Variants in VTN observed in about 807,000 individuals in gnomAD.
VTN encodes the protein vitronectin.
A neutral mutation model predicts 55.9 loss-of-function variants in VTN; 45 were observed. The ratio of observed to expected loss-of-function variants is 0.80; its 90% CI spans 0.63 to 1.03. The LOEUF (loss-of-function observed/expected upper bound fraction) is 1.03, where lower values mean the gene tolerates loss of function less well. Ranked by LOEUF, VTN falls within the 50% of genes least tolerant of loss-of-function variation. The probability of loss-of-function intolerance (pLI) is 0.00; values close to 1 mark genes in which losing one functional copy is unlikely to be tolerated. For synonymous variants in VTN, 238 were observed against 242.3 expected, an observed-to-expected ratio of 0.98 and a Z score of 0.17; for missense variants, 589 against 638.2, an observed-to-expected ratio of 0.92 and a Z score of 0.83.
rs2067930731 is a variant in VTN, at chr17:28,368,986, CAG to C, written c.710_711del (p.Pro237ArgfsTer8). The C allele has an allele frequency of 6.2e-7, 1 of 1,603,706 alleles. No homozygotes were observed. The highest frequency in any genetic ancestry group is 8.5e-7 in the Non-Finnish European group (1 of 1,177,204). On this transcript the variant is annotated frameshift_variant, in exon 5 of 8. Coordinates refer to ENST00000226218, the MANE Select transcript of VTN (RefSeq NM_000638.4). LOFTEE classifies it high-confidence loss of function. ...CCGTCAGAGATATTTCGGGGGTAAT[CAG>C]GGTCCAGGACACCATCCTCAAAGCG... Reference protein sequence around the residue: ...YWRFEDGVLDPDYPRNISDGF... With the variant: ...YWRFEDGVLDXDYPRNISDGF...
Position 28,368,520 on chromosome 17 carries a change from C to T in VTN, c.979+1G>A. On this transcript the variant is annotated splice_donor_variant, in intron 6 of 7. Coordinates refer to ENST00000226218, the MANE Select transcript of VTN (RefSeq NM_000638.4). LOFTEE classifies it high-confidence loss of function. ...AAGCAAGACTTGCCCTCTCTCCATA[C>T]CAGAGGTTCTGCCCCAGAAGAGAAG... The T allele has an allele frequency of 6.2e-7, 1 of 1,613,880 alleles. No homozygotes were observed. The highest frequency in any genetic ancestry group is 8.5e-7 in the Non-Finnish European group (1 of 1,179,992).
chr17:28,368,415 A>T, intron 6 of VTN, 106 bp downstream of exon 6: 1 of 1,479,244 alleles, frequency 6.8e-7, no homozygotes, highest in Non-Finnish European at 9.2e-7. Flanking sequence ...ACAGACTTTG[A>T]TCGATAGCTC....
At chr17:28,367,650 T>G in intron 7 of VTN, 65 bp downstream of exon 7, 8 of 1,536,486 alleles carry the variant, frequency 5.2e-6, no homozygotes, top group Non-Finnish European at 7.1e-6. Context: ...GTTCAGCCCT[T>G]GTGCACCAGG....
chr17:28,369,951 A>G lies in VTN; in HGVS notation c.160T>C (p.Tyr54His), dbSNP rs1473758287. ...CSYYQSCCTD[Y>H]TAECKPQVTR... is the part of the protein sequence containing the mutation. ...CCTTGGGGCTTGCACTCAGCCGTATAGTCTGTGCAGCAGCTCTGGTAGTAA... is the reference window on the plus strand; with the variant it reads ...CCTTGGGGCTTGCACTCAGCCGTATGGTCTGTGCAGCAGCTCTGGTAGTAA... The change falls in exon 2 of 8, where the codon TAT (tyrosine) becomes CAT (histidine). Residue 54 changes from tyrosine (Y) to histidine (H), a missense_variant. Transcript: ENST00000226218. This position sits in a 1 kb window ranked among gnomAD's most constrained non-coding sequence, Gnocchi z 5.3. 6 of 1,613,990 alleles carry G rather than the reference A, an allele frequency of 3.7e-6. No individual in the cohort carries two copies. The African/African-American group carries it at 4.0e-5, about 11-fold the overall frequency.
rs1555583171 is a variant in VTN at position 28,367,456 on chromosome 17, G to T, written c.1350C>A (p.Arg450=). Residue 450 remains arginine (R), a synonymous_variant, in exon 8 of 8, where the codon CGC becomes CGA. Transcript: ENST00000226218. ...GGTCCACAGTGTCCACTCGCCGTGT[G>T]CGAAGATTGACTCGGTAGTACTTGT... is the stretch of plus-strand genomic sequence containing the variant. ...SGDKYYRVNL[R]TRRVDTVDPP... 2 of 1,613,850 alleles carry T rather than the reference G, an allele frequency of 1.2e-6. 1 individual carries two copies. The highest frequency in any genetic ancestry group is 2.2e-5 in the South Asian group (2 of 91,046).
chr17:28,369,779 T>C lies in VTN; in HGVS notation c.257A>G (p.Asn86Ser). ...TVYDDGEEKN[N>S]ATVHEQVGGP... is the part of the protein sequence containing the mutation. ...CCCCACCTGTTCATGGACAGTGGCA[T>C]TGTTTTTCTCCTCGCCATCGTCATA... Residue 86 changes from asparagine to serine, a missense_variant, in exon 3 of 8, where the codon AAT (asparagine) becomes AGT (serine). Asn to Ser is a conservative substitution (Grantham distance 46, BLOSUM62 1). Transcript: ENST00000226218. The surrounding 1 kb of genome is among the most constrained non-coding windows in gnomAD (Gnocchi z 5.3). The C allele has an allele frequency of 1.2e-6, 2 of 1,614,048 alleles. No individual in the cohort carries two copies. Among genetic ancestry groups the C allele is most frequent in the South Asian group, 1.1e-5 (1 of 91,088 alleles).
At position 28,369,771 on chromosome 17, in the gene VTN, C is replaced by T. The variant is rs1555583699; in HGVS notation, c.265G>A (p.Val89Ile). ...GAGGGGCCCCCCACCTGTTCATGGA[C>T]AGTGGCATTGTTTTTCTCCTCGCCA... ...DDGEEKNNAT[V>I]HEQVGGPSLT... Residue 89 changes from valine (V) to isoleucine (I), a missense_variant, in exon 3 of 8, where the codon GTC becomes ATC. Transcript: ENST00000226218. The surrounding 1 kb of genome is among the most constrained non-coding windows in gnomAD (Gnocchi z 5.3). The T allele has an allele frequency of 6.2e-7, 1 of 1,614,046 alleles. No homozygotes were observed. Among genetic ancestry groups the T allele is most frequent in the South Asian group, 1.1e-5 (1 of 91,084 alleles).
intron 5 of VTN, 68 bp from the exon 6 acceptor site, chr17:28,368,741 T>G (rs954853509): frequency 1.2e-6 from 2 of 1,609,208 alleles, no homozygotes; most frequent in Admixed American, 1.7e-5. Context: ...CAGAGGCTGT[T>G]GAAGTTAGGA....
chr17:28,369,104 C>T lies in VTN; in HGVS notation c.670-76G>A. The T allele has an allele frequency of 1.3e-6, 2 of 1,519,224 alleles. No individual in the cohort carries two copies. The highest frequency in any genetic ancestry group is 2.3e-5 in the Admixed American group (1 of 43,948). The allele number at this position is 1,519,224 out of a possible 1,614,324, so 94.1% of individuals were successfully genotyped here. ...AGAGGCAGAGTCCCTTGCCCTAAGG[C>T]AGCCGTTCCCAGGTCCAGGTTCACT... is the stretch of plus-strand genomic sequence containing the variant. On this transcript the variant is annotated intron_variant, in intron 4 of 7. Transcript: ENST00000226218. This position sits in a 1 kb window ranked among gnomAD's most constrained non-coding sequence, Gnocchi z 5.3.
chr17:28,368,842 C>T, intron 5 of VTN, 30 bp downstream of exon 5: 1 of 1,613,282 alleles, frequency 6.2e-7, no homozygotes, highest in African/African-American at 1.3e-5. Flanking sequence ...GCTCCACTGC[C>T]TGCTCAGTCT....
Position 28,367,817 on chromosome 17 carries a change from C to T in VTN, c.1222G>A (p.Glu408Lys). The T allele has an allele frequency of 6.2e-7, 1 of 1,614,178 alleles. No individual in the cohort carries two copies. Among genetic ancestry groups the T allele is most frequent in the Non-Finnish European group, 8.5e-7 (1 of 1,180,048 alleles). The change falls in exon 7 of 8, where the codon GAG becomes AAG. Residue 408 changes from glutamate to lysine, a missense_variant. Physicochemically the swap from Glu to Lys is moderately conservative, Grantham distance 56 (BLOSUM62 1). Transcript: ENST00000226218. ...TTGTTGGCTCCCAAGTTGCTCTCCT[C>T]ACTGGAGAACAAGGACAGCCACGTG... ...RATWLSLFSS[E>K]ESNLGANNYD...
In VTN at chr17:28,369,548, G is replaced by T. The variant is rs1555583627; in HGVS notation, c.488C>A (p.Ala163Asp). ...GGAACCGTTCTTGAGGTCGGTGAAG[G>T]CGTCGAAGGGCTTCCCACTGCACAG... ...EELCSGKPFD[A>D]FTDLKNGSLF... The change falls in exon 3 of 8, where the codon GCC becomes GAC. Residue 163 changes from alanine (A) to aspartate (D), a missense_variant. By Grantham distance (126) the Ala-to-Asp change is moderately radical. Coordinates refer to ENST00000226218, the MANE Select transcript of VTN (RefSeq NM_000638.4). This position sits in a 1 kb window ranked among gnomAD's most constrained non-coding sequence, Gnocchi z 5.3. The T allele has an allele frequency of 6.2e-7, 1 of 1,610,310 alleles. No homozygotes were observed. Among genetic ancestry groups the T allele is most frequent in the East Asian group, 2.2e-5 (1 of 44,840 alleles).
Position 28,369,727 on chromosome 17 carries a change from C to G in VTN, c.309G>C (p.Gln103His). ...VGGPSLTSDLQAQSKGNPEQT... is the reference protein window; with the variant it reads ...VGGPSLTSDLHAQSKGNPEQT... ...GCTCAGGATTCCCTTTGGACTGGGC[C>G]TGGAGGTCAGAGGTCAGGGAGGGGC... Residue 103 changes from glutamine (Q) to histidine (H), a missense_variant, in exon 3 of 8, where the codon CAG (glutamine) becomes CAC (histidine). Physicochemically the swap from Gln to His is conservative, Grantham distance 24. Transcript: ENST00000226218. The surrounding 1 kb of genome is among the most constrained non-coding windows in gnomAD (Gnocchi z 5.3). 1 of 1,613,910 alleles carries G rather than the reference C, an allele frequency of 6.2e-7. No individual in the cohort carries two copies. The highest frequency in any genetic ancestry group is 8.5e-7 in the Non-Finnish European group (1 of 1,180,010).
chr17:28,369,171 G>A lies in VTN; in HGVS notation c.669+118C>T, dbSNP rs547665678. On this transcript the variant is annotated intron_variant, in intron 4 of 7. Coordinates refer to ENST00000226218, the MANE Select transcript of VTN (RefSeq NM_000638.4). The surrounding 1 kb of genome is among the most constrained non-coding windows in gnomAD (Gnocchi z 5.3). ...CTTGGGGCTGCCCTGTGCTCACAGA[G>A]CTCCCACCAGGTCCTGCAGGGCCCT... The A allele has an allele frequency of 1.3e-6, 2 of 1,504,274 alleles. No individual in the cohort carries two copies. Among genetic ancestry groups the A allele is most frequent in the East Asian group, 2.3e-5 (1 of 43,822 alleles). 93.2% of individuals were successfully genotyped at this position (1,504,274 alleles called of 1,614,324 possible).
At position 28,368,029 on chromosome 17, in the gene VTN, C is replaced by T. The variant is rs782199000; in HGVS notation, c.1010G>A (p.Arg337Gln). 1.4e-5 allele frequency: 22 copies of T among 1,587,386 alleles called. 1 individual carries two copies. Among genetic ancestry groups the T allele is most frequent in the East Asian group, 4.6e-5 (2 of 43,648 alleles). ...TTGCCCTGGCACACCGTGCCAGTCC[C>T]GGCTAATGAACTGGGGCTGTCTGGT... Reference protein sequence around the residue: ...AGTRQPQFISRDWHGVPGQVD... With the variant: ...AGTRQPQFISQDWHGVPGQVD... Residue 337 changes from arginine to glutamine, a missense_variant, in exon 7 of 8, where the codon CGG (arginine) becomes CAG (glutamine). This residue lies in a region of VTN where 334 missense variants were observed against 328.2 expected (regional missense o/e 1.02). Coordinates refer to ENST00000226218, the MANE Select transcript of VTN (RefSeq NM_000638.4).
rs1555583594 is a variant in VTN, at chr17:28,369,435, T to C, written c.530-7A>G. ...AGTTCATAGCAGTACTGCCCTAGAG[T>C]GGAGGAGATGGTGTGAGAGCAGGGA... On this transcript the variant is annotated splice_polypyrimidine_tract_variant and splice_region_variant and intron_variant, in intron 3 of 7. Transcript: ENST00000226218. The surrounding 1 kb of genome is among the most constrained non-coding windows in gnomAD (Gnocchi z 5.3). 1.3e-6 allele frequency: 2 copies of C among 1,589,198 alleles called. No individual in the cohort carries two copies. Among genetic ancestry groups the C allele is most frequent in the Admixed American group, 1.7e-5 (1 of 58,258 alleles).
At position 28,367,785 on chromosome 17, in the gene VTN, A is replaced by AT. The variant is rs1555583232; in HGVS notation, c.1253dup (p.Asp418GlufsTer2). 6.2e-7 allele frequency: 1 copy of AT among 1,614,040 alleles called. No individual in the cohort carries two copies. The highest frequency in any genetic ancestry group is 1.3e-5 in the African/African-American group (1 of 74,934). On this transcript the variant is annotated frameshift_variant, in exon 7 of 8. Coordinates refer to ENST00000226218, the MANE Select transcript of VTN (RefSeq NM_000638.4). LOFTEE classifies it high-confidence loss of function. ...GCACAAGCCAGTCCATCCTGTAGTC[A>AT]TCATAGTTGTTGGCTCCCAAGTTGC...
Position 28,368,575 on chromosome 17 carries a change from G to A in VTN, c.925C>T (p.Gln309Ter). ...AAGATGTCCTCCCAGCTGTCCCGCTGCATCATGGCAAAGTGTTCAAACACA... is the reference window on the plus strand; with the variant it reads ...AAGATGTCCTCCCAGCTGTCCCGCTACATCATGGCAAAGTGTTCAAACACA... Reference protein sequence around the residue: ...SAVFEHFAMMQRDSWEDIFEL... With the variant: ...SAVFEHFAMM The change falls in exon 6 of 8, where the codon CAG (glutamine) becomes TAG (stop). Residue 309 changes from glutamine (Q) to a stop codon, truncating the protein, a stop_gained. Transcript: ENST00000226218. LOFTEE classifies it high-confidence loss of function. 6.2e-7 allele frequency: 1 copy of A among 1,614,080 alleles called. No homozygotes were observed. Among genetic ancestry groups the A allele is most frequent in the Non-Finnish European group, 8.5e-7 (1 of 1,180,032 alleles).
Position 28,370,050 on chromosome 17 carries a change from T to A in VTN, c.65-4A>T. On this transcript the variant is annotated splice_polypyrimidine_tract_variant and splice_region_variant and intron_variant, in intron 1 of 7. Coordinates refer to ENST00000226218, the MANE Select transcript of VTN (RefSeq NM_000638.4). ...GTGCAGCGGCCCTTGCATGACTCTA[T>A]GAGGAAGGAGTGTCAGTCGGTGCCA... 6.2e-7 allele frequency: 1 copy of A among 1,614,086 alleles called. No homozygotes were observed. Among genetic ancestry groups the A allele is most frequent in the Non-Finnish European group, 8.5e-7 (1 of 1,180,010 alleles).
Sources: gnomAD v4.1 joint callset for allele counts on GRCh38, gnomAD v4.1.1 for gene constraint, gnomAD v4.1.1 regional missense constraint, Gnocchi (gnomAD v3.1) non-coding constraint, MANE v1.5 for transcripts, NCBI Gene and HGNC (gene_info 2026-07-23, HGNC 2026-07-21) for gene names.